Variants in CDH13 observed in about 807,000 individuals in gnomAD.
CDH13 encodes cadherin 13.
CDH13 carries 24 observed loss-of-function variants against 63.8 expected under a neutral mutation model. The ratio of observed to expected loss-of-function variants is 0.38; its 90% CI spans 0.27 to 0.53. The LOEUF is 0.53. Among genes scored for constraint, CDH13 ranks in the 20% least tolerant of loss-of-function variants. The pLI, the probability that CDH13 is intolerant of heterozygous loss-of-function variation, is 0.85. For missense variants in CDH13, 1,049 were observed against 903.1 expected, an observed-to-expected ratio of 1.16 and a Z score of -2.07; for synonymous variants, 503 against 355.3, an observed-to-expected ratio of 1.42 and a Z score of -4.67.
At chr16:83,067,507 C>A (rs147359599) in intron 3 of CDH13, among the ~76,000 whole-genome samples, 2 of 152,106 alleles carry the variant, frequency 1.3e-5, no homozygotes, top group Non-Finnish European at 2.9e-5. Context: ...AGGAAACAAA[C>A]GTACAAACGA....
chr16:83,463,664 A>T (rs1412908764), intron 6 of CDH13, among the ~76,000 whole-genome samples: 1 of 152,088 alleles, frequency 6.6e-6, no homozygotes, highest in African/African-American at 2.4e-5. Flanking sequence ...TTAACCGGGC[A>T]TGGTGGTGCA....
intron 2 of CDH13, among the ~76,000 whole-genome samples, chr16:82,861,104 A>G (rs571512952): frequency 2.0e-5 from 3 of 152,324 alleles, no homozygotes; most frequent in African/African-American, 4.8e-5. Flanking sequence ...GAACCAGAAA[A>G]TGTTAAATGC....
chr16:83,406,821 AT>A (rs1158349085), intron 6 of CDH13, among the ~76,000 whole-genome samples: 2 of 152,014 alleles, frequency 1.3e-5, no homozygotes, highest in Admixed American at 6.6e-5. Context: ...CTAAAACTGA[AT>A]TTTTTTTGTC....
At position 83,800,432 on chromosome 16, in the gene CDH13, CT is replaced by C. The variant is rs1360772187; in HGVS notation, c.*5407del. On this transcript the variant is annotated 3_prime_UTR_variant, in exon 14 of 14. Coordinates refer to ENST00000567109, the MANE Select transcript of CDH13 (RefSeq NM_001257.5). ...TAAAAATTTTAAGAAATTTTAAATGCTTTTTATTCACACACACTTTTCAAAA... is the reference window on the plus strand; with the variant it reads ...TAAAAATTTTAAGAAATTTTAAATGCTTTTATTCACACACACTTTTCAAAA... 6.6e-6 allele frequency: 1 copy of C among 152,114 alleles called. No individual in the cohort carries two copies. Among genetic ancestry groups the C allele is most frequent in the Non-Finnish European group, 1.5e-5 (1 of 68,014 alleles). 9.4% of individuals were successfully genotyped at this position (152,114 alleles called of 1,614,324 possible).
intron 1 of CDH13, chr16:82,829,711 GCTTACTA>G (rs2038438462): frequency 6.6e-6 from 1 of 151,970 alleles, no homozygotes; most frequent in African/African-American, 2.4e-5. Flanking sequence ...AGAACTAATT[GCTTACTA>G]GATATTACAT....
At chr16:83,524,894 G>T (rs1356804243) in intron 7 of CDH13, among the ~76,000 whole-genome samples, 1 of 152,170 alleles carries the variant, frequency 6.6e-6, no homozygotes, top group Admixed American at 6.5e-5. Flanking sequence ...GAAATCATAT[G>T]AGTGGGTTCC....
chr16:83,329,562 C>T (rs77477191), intron 5 of CDH13, among the ~76,000 whole-genome samples: 4 of 152,058 alleles, frequency 2.6e-5, no homozygotes, highest in Non-Finnish European at 5.9e-5. Context: ...CACATAAAAT[C>T]GATCAGCTTC....
intron 2 of CDH13, among the ~76,000 whole-genome samples, chr16:82,876,860 A>T (rs1263368449): frequency 6.6e-6 from 1 of 152,220 alleles, no homozygotes; most frequent in South Asian, 2.1e-4. Context: ...AGGTAGCCCA[A>T]ACAAGGGGAG....
chr16:83,501,595 C>G (rs1008577272), intron 7 of CDH13, among the ~76,000 whole-genome samples: 8 of 152,182 alleles, frequency 5.3e-5, no homozygotes, highest in African/African-American at 1.9e-4. Context: ...AGGTCCATAA[C>G]ACTCACAGGA....
chr16:83,050,926 A>T (rs2030252748), intron 3 of CDH13, among the ~76,000 whole-genome samples: 1 of 152,160 alleles, frequency 6.6e-6, no homozygotes, highest in South Asian at 2.1e-4. Context: ...CTGGGAGGTC[A>T]GTGGTACTTC....
chr16:82,709,594 A>G (rs1346186415), intron 1 of CDH13, among the ~76,000 whole-genome samples: 2 of 152,228 alleles, frequency 1.3e-5, no homozygotes, highest in African/African-American at 4.8e-5. Flanking sequence ...TGTGGACAAT[A>G]AATGAGATAA....
At chr16:82,966,794 C>T (rs185528673) in intron 2 of CDH13, among the ~76,000 whole-genome samples, 49 of 152,294 alleles carry the variant, frequency 3.2e-4, no homozygotes, top group African/African-American at 1.1e-3. Context: ...TGCCCCTTTT[C>T]CCCTCATCTT....
At chr16:83,623,208 G>A (rs6563950) in intron 8 of CDH13, among the ~76,000 whole-genome samples, 1 of 152,016 alleles carries the variant, frequency 6.6e-6, no homozygotes, top group Non-Finnish European at 1.5e-5. Context: ...CCAGGGCTGG[G>A]TGGGAGAGGT....
chr16:83,199,336 C>A (rs1297843021), intron 4 of CDH13, among the ~76,000 whole-genome samples: 1 of 152,200 alleles, frequency 6.6e-6, no homozygotes, highest in Non-Finnish European at 1.5e-5. Flanking sequence ...GATGTCTAAG[C>A]TGTTAGGACT....
chr16:82,910,839 G>A (rs1007686462), intron 2 of CDH13, among the ~76,000 whole-genome samples: 2 of 152,172 alleles, frequency 1.3e-5, no homozygotes, highest in Non-Finnish European at 2.9e-5. Flanking sequence ...GCACAGTGAG[G>A]GTGTTCTTTC....
At chr16:83,423,637 C>T (rs1045825283) in intron 6 of CDH13, among the ~76,000 whole-genome samples, 1 of 152,198 alleles carries the variant, frequency 6.6e-6, no homozygotes, top group Non-Finnish European at 1.5e-5. Flanking sequence ...GTTGTAAATA[C>T]TCCCAGAGGC....
At chr16:82,962,159 A>G (rs1332126121) in intron 2 of CDH13, among the ~76,000 whole-genome samples, 3 of 152,230 alleles carry the variant, frequency 2.0e-5, no homozygotes, top group Admixed American at 6.5e-5. Context: ...ATAATCCTGA[A>G]TTATCTGAGC....
chr16:83,069,519 T>G (rs1388142445), intron 3 of CDH13, among the ~76,000 whole-genome samples: 1 of 152,212 alleles, frequency 6.6e-6, no homozygotes, highest in Non-Finnish European at 1.5e-5. Context: ...GATGAAAAGC[T>G]GAGGCATGAA....
chr16:83,668,344 C>A (rs1914193512), intron 8 of CDH13, among the ~76,000 whole-genome samples: 1 of 152,206 alleles, frequency 6.6e-6, no homozygotes, highest in African/African-American at 2.4e-5. Flanking sequence ...GAGCCTCCAG[C>A]CTCCTCAAAT....
Sources: gnomAD v4.1 joint callset for allele counts (sites outside exome capture counted in the v4.1 genomes callset) on GRCh38, gnomAD v4.1.1 for gene constraint, MANE v1.5 for transcripts, NCBI Gene and HGNC (gene_info 2026-07-23, HGNC 2026-07-21) for gene names.